Variants in C11orf65 observed in about 807,000 individuals in gnomAD.
The protein encoded by C11orf65 is protein MFI.
A neutral mutation model predicts 35.3 loss-of-function variants in C11orf65; 38 were observed. The observed-to-expected ratio is 1.08, with a 90% CI of 0.83 to 1.41. The LOEUF (loss-of-function observed/expected upper bound fraction) is 1.41, where lower values mean the gene tolerates loss of function less well. C11orf65 is among the 40% of genes most tolerant of loss of function. The probability of loss-of-function intolerance (pLI) is 0.00; values close to 1 mark genes in which losing one functional copy is unlikely to be tolerated. For missense variants in C11orf65, 370 were observed against 367.1 expected (o/e 1.01, Z -0.06); for synonymous variants, 105 against 114.4 (o/e 0.92, Z 0.53).
chr11:108,336,211 GGGA>G, intron 2 of C11orf65: 1 of 401,584 alleles, frequency 2.5e-6, no homozygotes, highest in Non-Finnish European at 4.6e-6. Flanking sequence ...AGGCTGAGGT[GGGA>G]GGATCACTTG....
chr11:108,438,860 G>C (rs1003069699), intron 2 of C11orf65, among the ~76,000 whole-genome samples: 1 of 151,866 alleles, frequency 6.6e-6, no homozygotes, highest in African/African-American at 2.4e-5. Context: ...ACAAAAATTA[G>C]CCAGGCATGG....
At chr11:108,448,569 T>G (rs569532236) in intron 2 of C11orf65, among the ~76,000 whole-genome samples, 20 of 152,268 alleles carry the variant, frequency 1.3e-4, no homozygotes, top group African/African-American at 2.2e-4. Flanking sequence ...AAAAGGCCTT[T>G]GACAAAATTC....
chr11:108,451,220 T>C (rs947398620), intron 2 of C11orf65, among the ~76,000 whole-genome samples: 11 of 151,982 alleles, frequency 7.2e-5, no homozygotes, highest in African/African-American at 2.2e-4. Context: ...TCAAATTGTC[T>C]CTGTTTGCAG....
At chr11:108,414,951 T>C (rs555889620) in intron 3 of C11orf65, among the ~76,000 whole-genome samples, 2 of 152,256 alleles carry the variant, frequency 1.3e-5, no homozygotes, top group South Asian at 4.1e-4. Flanking sequence ...TATTAGCAGA[T>C]GTAGAAAAAG....
At chr11:108,415,009 T>C (rs970585977) in intron 3 of C11orf65, among the ~76,000 whole-genome samples, 14 of 152,088 alleles carry the variant, frequency 9.2e-5, no homozygotes, top group Non-Finnish European at 1.5e-4. Context: ...TTTGGCAAAC[T>C]AGGACTAGAG....
At chr11:108,374,572 G>C (rs955415925) in intron 2 of C11orf65, among the ~76,000 whole-genome samples, 4 of 152,168 alleles carry the variant, frequency 2.6e-5, no homozygotes, top group Admixed American at 6.5e-5. Context: ...CTCTAAAAAG[G>C]AGAGCGCCTC....
chr11:108,419,934 G>GT (rs1266727001), intron 3 of C11orf65, among the ~76,000 whole-genome samples: 1 of 152,074 alleles, frequency 6.6e-6, no homozygotes, highest in East Asian at 1.9e-4. Flanking sequence ...GAAATAAAAT[G>GT]TATCATGTTT....
chr11:108,380,175 T>G (rs148522489), downstream of C11orf65, among the ~76,000 whole-genome samples: 1 of 152,136 alleles, frequency 6.6e-6, no homozygotes, highest in Admixed American at 6.6e-5. Context: ...CATGAATGAG[T>G]TGGCTCAAGC....
intron 6 of C11orf65, among the ~76,000 whole-genome samples, chr11:108,394,004 A>C (rs1261644289): frequency 1.3e-5 from 2 of 151,226 alleles, no homozygotes; most frequent in Non-Finnish European, 3.0e-5. Context: ...ACATGGTGAA[A>C]CCCTGTCTCT....
At chr11:108,325,802 C>G (rs2085617395) in intron 6 of C11orf65, among the ~76,000 whole-genome samples, 1 of 152,100 alleles carries the variant, frequency 6.6e-6, no homozygotes, top group Non-Finnish European at 1.5e-5. Context: ...ATATTGATAA[C>G]AATTCAGTGA....
In C11orf65 at chr11:108,335,076, T is replaced by C. The variant is rs1057520990; in HGVS notation, c.299+144A>G. 1 of 1,614,102 alleles carries C rather than the reference T, an allele frequency of 6.2e-7. No individual in the cohort carries two copies. Among genetic ancestry groups the C allele is most frequent in the African/African-American group, 1.3e-5 (1 of 75,042 alleles). On this transcript the variant is annotated intron_variant, in intron 3 of 3. Coordinates refer to the C11orf65 transcript ENST00000524755. ...TACCAAAAATAATAGATTGTGTAGGTTCCGATGGCAAGGAGAGGAGACAGC... is the reference window on the plus strand; with the variant it reads ...TACCAAAAATAATAGATTGTGTAGGCTCCGATGGCAAGGAGAGGAGACAGC...
In C11orf65 at chr11:108,463,665, T is replaced by C. The variant is rs77809195; in HGVS notation, c.-9-2097A>G. On this transcript the variant is annotated intron_variant, in intron 1 of 8. Transcript: ENST00000393084. ...ATCTGTAAAATATGGGGACTCATTG[T>C]ACCTAACTCATAGAATTGTTAGGAT... 5.3e-3 allele frequency among the ~76,000 whole-genome samples: 800 copies of C among 152,322 alleles called. 8 individuals carry two copies. The highest frequency in any genetic ancestry group is 0.018 in the African/African-American group (769 of 41,576).
Position 108,368,599 on chromosome 11 carries a change from G to A in C11orf65, c.226+24609C>T, listed in dbSNP as rs886047629. 20 of 218,286 alleles carry A rather than the reference G, an allele frequency of 9.2e-5. No homozygotes were observed. The South Asian group carries it at 1.5e-3, about 16-fold the overall frequency. 13.5% of individuals were successfully genotyped at this position (218,286 alleles called of 1,614,324 possible). A position where few individuals can be genotyped will look rare whatever the true frequency, so the allele number is the denominator to read the frequency against. On this transcript the variant is annotated intron_variant, in intron 2 of 3. Transcript: ENST00000524755. ...CAGTATCTAACTTGAAAAGATTTCA[G>A]GCGAAAAGAATCTGGGGTTTGCCAG...
rs372317391 is a variant in C11orf65, at chr11:108,389,514, A to G, written c.732-3539T>C. On this transcript the variant is annotated intron_variant, in intron 7 of 8. Transcript: ENST00000393084. Reference sequence around the variant, plus strand: ...ATTATGAGTATCCTCAACTCAGAAGATAAACTGATAGAAATTATACATAAC... The same window carrying G: ...ATTATGAGTATCCTCAACTCAGAAGGTAAACTGATAGAAATTATACATAAC... 1.2e-3 allele frequency among the ~76,000 whole-genome samples: 188 copies of G among 152,372 alleles called. 1 individual carries two copies. Among genetic ancestry groups the G allele is most frequent in the African/African-American group, 4.4e-3 (182 of 41,586 alleles).
intron 2 of C11orf65, among the ~76,000 whole-genome samples, chr11:108,349,872 T>C (rs1228461958): frequency 6.6e-6 from 1 of 152,166 alleles, no homozygotes; most frequent in African/African-American, 2.4e-5. Flanking sequence ...TCTGATAGCA[T>C]TGGCTTTAGA....
intron 2 of C11orf65, among the ~76,000 whole-genome samples, chr11:108,342,651 T>C (rs1048044843): frequency 6.6e-6 from 1 of 152,214 alleles, no homozygotes; most frequent in African/African-American, 2.4e-5. Flanking sequence ...AAAGGGTATC[T>C]GTTAATATCA....
At chr11:108,454,808 A>G (rs2093393587) in intron 2 of C11orf65, among the ~76,000 whole-genome samples, 1 of 152,106 alleles carries the variant, frequency 6.6e-6, no homozygotes, top group Admixed American at 6.6e-5. Context: ...AATTTTGTTT[A>G]TCTTTTCAAA....
chr11:108,373,348 G>A (rs1002126803), intron 2 of C11orf65, among the ~76,000 whole-genome samples: 2 of 152,118 alleles, frequency 1.3e-5, no homozygotes, highest in Admixed American at 1.3e-4. Context: ...ATCTGACAAA[G>A]GACATCTGTG....
intron 2 of C11orf65, among the ~76,000 whole-genome samples, chr11:108,344,450 A>G (rs550549381): frequency 4.5e-4 from 68 of 152,314 alleles, no homozygotes; most frequent in African/African-American, 1.5e-3. Flanking sequence ...TTGTTGGTCA[A>G]AAGATGGAGT....
Sources: gnomAD v4.1 joint callset for allele counts (sites outside exome capture counted in the v4.1 genomes callset) on GRCh38, gnomAD v4.1.1 for gene constraint, MANE v1.5 for transcripts, NCBI Gene and HGNC (gene_info 2026-07-23, HGNC 2026-07-21) for gene names.